INPP4B: variants seen among roughly 807,000 people sequenced by gnomAD.
The protein encoded by INPP4B is inositol polyphosphate-4-phosphatase type II B, also known as inositol polyphosphate 4-phosphatase type II.
A neutral mutation model predicts 122.5 loss-of-function variants in INPP4B; 55 were observed. That is an observed-to-expected ratio of 0.45 (90% confidence interval 0.36 to 0.56). INPP4B has a LOEUF of 0.56. INPP4B is among the 20% of genes least tolerant of loss of function. The pLI, the probability that INPP4B is intolerant of heterozygous loss-of-function variation, is 0.00. For missense variants in INPP4B, 1,000 were observed against 1,097.7 expected, an observed-to-expected ratio of 0.91 and a Z score of 1.26; for synonymous variants, 403 against 388.7, an observed-to-expected ratio of 1.04 and a Z score of -0.43.
chr4:142,562,395 A>G (rs189311580), intron 2 of INPP4B, among the ~76,000 whole-genome samples: 2 of 152,296 alleles, frequency 1.3e-5, no homozygotes, highest in African/African-American at 4.8e-5. Context: ...CCATCTCTCC[A>G]TGAGCCAGAC....
intron 1 of INPP4B, among the ~76,000 whole-genome samples, chr4:142,838,196 A>C (rs1783049892): frequency 6.6e-6 from 1 of 152,098 alleles, no homozygotes; most frequent in Admixed American, 6.5e-5. Context: ...ACACACACAT[A>C]TCTAAACTTA....
intron 2 of INPP4B, among the ~76,000 whole-genome samples, chr4:142,704,540 G>A (rs964276909): frequency 1.3e-5 from 2 of 151,994 alleles, no homozygotes; most frequent in African/African-American, 4.8e-5. Context: ...ACATTCACAG[G>A]CTTCTACACA....
chr4:142,389,341 G>T (rs1054322107), intron 7 of INPP4B, among the ~76,000 whole-genome samples: 2 of 151,748 alleles, frequency 1.3e-5, no homozygotes, highest in African/African-American at 4.8e-5. Context: ...TTATATATGT[G>T]TCATGTGTAT....
intron 5 of INPP4B, among the ~76,000 whole-genome samples, chr4:142,413,703 G>T (rs546496935): frequency 9.2e-5 from 14 of 152,210 alleles, no homozygotes; most frequent in Middle Eastern, 3.4e-3. Context: ...AGTTCCATTA[G>T]TTCCACATTC....
intron 7 of INPP4B, among the ~76,000 whole-genome samples, chr4:142,347,212 T>TA (rs1780571272): frequency 6.6e-6 from 1 of 152,008 alleles, no homozygotes; most frequent in South Asian, 2.1e-4. Flanking sequence ...TAGCAAGACT[T>TA]AAATAAAAGA....
chr4:142,497,251 C>T (rs150794664), intron 2 of INPP4B, among the ~76,000 whole-genome samples: 1 of 152,252 alleles, frequency 6.6e-6, no homozygotes, highest in East Asian at 1.9e-4. Flanking sequence ...AGAAATGATG[C>T]TGAGCCCCAG....
chr4:142,209,152 G>A (rs1399482596), intron 12 of INPP4B, 126 bp from the exon 13 acceptor site: 3 of 512,688 alleles, frequency 5.9e-6, no homozygotes, highest in Non-Finnish European at 9.5e-6. Flanking sequence ...AGTTCTATGA[G>A]CTTATTAGCT....
chr4:142,638,309 C>A (rs1446472833), intron 2 of INPP4B, among the ~76,000 whole-genome samples: 1 of 152,110 alleles, frequency 6.6e-6, no homozygotes, highest in Non-Finnish European at 1.5e-5. Flanking sequence ...CACTTCTAGG[C>A]ATTTTATAGT....
intron 7 of INPP4B, among the ~76,000 whole-genome samples, chr4:142,368,036 AG>A (rs1206312798): frequency 2.0e-5 from 3 of 152,200 alleles, no homozygotes; most frequent in African/African-American, 7.2e-5. Context: ...CGTTGCCTGA[AG>A]TAACTTTTCT....
chr4:142,825,934 C>A (rs1360329238), intron 1 of INPP4B, among the ~76,000 whole-genome samples: 1 of 151,992 alleles, frequency 6.6e-6, no homozygotes, highest in Non-Finnish European at 1.5e-5. Context: ...ATCTCAATAA[C>A]CCTTTGTCTT....
At chr4:142,225,934 T>C (rs1400120147) in intron 12 of INPP4B, among the ~76,000 whole-genome samples, 1 of 152,188 alleles carries the variant, frequency 6.6e-6, no homozygotes, top group African/African-American at 2.4e-5. Context: ...CATCTGAACA[T>C]ATAAAGGTGC....
intron 2 of INPP4B, among the ~76,000 whole-genome samples, chr4:142,593,710 T>C (rs1186591579): frequency 5.3e-5 from 8 of 152,164 alleles, no homozygotes; most frequent in Admixed American, 5.2e-4. Context: ...CCATAGAATT[T>C]ATTTTTCTCC....
At chr4:142,562,935 G>T (rs1730789633) in intron 2 of INPP4B, among the ~76,000 whole-genome samples, 1 of 152,086 alleles carries the variant, frequency 6.6e-6, no homozygotes, top group African/African-American at 2.4e-5. Context: ...GGATACAAAG[G>T]TACAGACGTC....
rs1308750343 is a variant in INPP4B, at chr4:142,162,228, CAAAAT to C, written c.1360-1672_1360-1668del. Among the ~76,000 whole-genome samples the C allele has an allele frequency of 2.7e-5, 4 of 148,444 alleles. No individual in the cohort carries two copies. The Admixed American group carries it at 2.7e-4, about 10-fold the overall frequency. On this transcript the variant is annotated intron_variant, in intron 16 of 25. Transcript: ENST00000262992. The stretch of plus-strand genomic sequence containing the variant: ...AATATTTCAGAATAAATCAGAAAAA[CAAAAT>C]AAAAAGCAGTTTATACTAGATAGGC...
At chr4:142,641,140 C>T (rs1338508252) in intron 2 of INPP4B, among the ~76,000 whole-genome samples, 2 of 152,092 alleles carry the variant, frequency 1.3e-5, no homozygotes, top group Non-Finnish European at 1.5e-5. Flanking sequence ...TACAGCAGCA[C>T]TGTCTGTAAT....
chr4:142,253,166 T>C (rs1279446981), intron 11 of INPP4B, among the ~76,000 whole-genome samples: 2 of 152,160 alleles, frequency 1.3e-5, no homozygotes, highest in African/African-American at 2.4e-5. Flanking sequence ...GTAAAGGGCA[T>C]TTACCATGAA....
chr4:142,394,657 TA>T (rs1031222380), intron 7 of INPP4B, among the ~76,000 whole-genome samples: 5 of 152,222 alleles, frequency 3.3e-5, no homozygotes, highest in Admixed American at 1.3e-4. Context: ...GCCAATTTTC[TA>T]AATGAGTTGT....
At chr4:142,331,869 T>C (rs1223101886) in intron 7 of INPP4B, among the ~76,000 whole-genome samples, 1 of 145,592 alleles carries the variant, frequency 6.9e-6, no homozygotes, top group Non-Finnish European at 1.5e-5. Context: ...TATGAGGCAA[T>C]GTTTAGAAAA....
chr4:142,488,352 C>T (rs557529818), intron 2 of INPP4B, among the ~76,000 whole-genome samples: 1 of 152,058 alleles, frequency 6.6e-6, no homozygotes, highest in Non-Finnish European at 1.5e-5. Flanking sequence ...ATGGAATGTA[C>T]TTTCTTTGAA....
Sources: allele counts gnomAD v4.1 joint callset (sites outside exome capture counted in the v4.1 genomes callset), GRCh38; gene constraint gnomAD v4.1.1; transcripts MANE v1.5; gene names NCBI Gene and HGNC (gene_info 2026-07-23, HGNC 2026-07-21).